Variants in PLCB4 observed in about 807,000 individuals in gnomAD.
PLCB4 encodes 1-phosphatidylinositol 4,5-bisphosphate phosphodiesterase beta-4.
PLCB4 carries 77 observed loss-of-function variants against 178.8 expected under a neutral mutation model. The observed-to-expected ratio is 0.43, with a 90% CI of 0.36 to 0.52. The LOEUF is 0.52. Among genes scored for constraint, PLCB4 ranks in the 20% least tolerant of loss-of-function variants. PLCB4 has a pLI of 0.00. For synonymous variants in PLCB4, 496 were observed against 490.8 expected (o/e 1.01, Z -0.14); for missense variants, 1,024 against 1,453.4 (o/e 0.70, Z 4.80).
intron 3 of PLCB4, among the ~76,000 whole-genome samples, chr20:9,218,180 G>A (rs911912635): frequency 2.6e-5 from 4 of 151,970 alleles, no homozygotes; most frequent in Non-Finnish European, 5.9e-5. Flanking sequence ...GCGCAATCTC[G>A]GCTCACTGCA....
intron 12 of PLCB4, 64 bp downstream of exon 12, chr20:9,373,168 C>G (rs1036405900): frequency 1.3e-6 from 1 of 756,844 alleles, no homozygotes; most frequent in African/African-American, 1.7e-5. Flanking sequence ...CTCTGGTGTC[C>G]TCATTGCATG....
chr20:9,395,932 T>C (rs1195119667), intron 19 of PLCB4, among the ~76,000 whole-genome samples: 1 of 152,210 alleles, frequency 6.6e-6, no homozygotes, highest in African/African-American at 2.4e-5. Flanking sequence ...TATGTAATCC[T>C]ACCACTGCAC....
At chr20:9,472,997 AT>A in intron 37 of PLCB4, 150 bp downstream of exon 37, 1 of 576,200 alleles carries the variant, frequency 1.7e-6, no homozygotes, top group East Asian at 3.0e-5. Flanking sequence ...AGCTAAAATA[AT>A]GTCTCACTAA....
At chr20:9,161,105 A>G (rs2092880706) in intron 2 of PLCB4, among the ~76,000 whole-genome samples, 1 of 152,162 alleles carries the variant, frequency 6.6e-6, no homozygotes, top group African/African-American at 2.4e-5. Flanking sequence ...GATATGTAAA[A>G]GTTTTTAGAT....
At chr20:9,073,084 G>A (rs1161725946) in intron 1 of PLCB4, among the ~76,000 whole-genome samples, 2 of 152,120 alleles carry the variant, frequency 1.3e-5, no homozygotes, top group African/African-American at 4.8e-5. Context: ...CTCTAGCTAC[G>A]GAAATACCCT....
intron 20 of PLCB4, among the ~76,000 whole-genome samples, chr20:9,403,981 T>C (rs560134667): frequency 6.6e-6 from 1 of 152,256 alleles, no homozygotes; most frequent in African/African-American, 2.4e-5. Flanking sequence ...CACACAGATA[T>C]GAATGACTAG....
At chr20:9,357,695 G>T (rs186422839) in intron 7 of PLCB4, among the ~76,000 whole-genome samples, 153 of 152,220 alleles carry the variant, frequency 1.0e-3, no homozygotes, top group Non-Finnish European at 1.1e-3. Flanking sequence ...ACTGCATGAG[G>T]ACATAGCTAG....
intron 7 of PLCB4, among the ~76,000 whole-genome samples, chr20:9,356,065 T>G (rs558237295): frequency 6.6e-5 from 10 of 152,364 alleles, no homozygotes; most frequent in African/African-American, 2.2e-4. Flanking sequence ...GAACATTTTT[T>G]CATGTGTCTT....
chr20:9,150,134 C>A (rs2092667586), intron 2 of PLCB4, among the ~76,000 whole-genome samples: 1 of 152,138 alleles, frequency 6.6e-6, no homozygotes, highest in Non-Finnish European at 1.5e-5. Flanking sequence ...ATCACAGTGT[C>A]CATGACCTAT....
chr20:9,152,930 A>T (rs913444008), intron 2 of PLCB4, among the ~76,000 whole-genome samples: 4 of 152,156 alleles, frequency 2.6e-5, no homozygotes, highest in East Asian at 1.9e-4. Context: ...TATCAATGTG[A>T]CCTGGGTGTG....
intron 3 of PLCB4, among the ~76,000 whole-genome samples, chr20:9,220,407 G>T (rs372767477): frequency 1.3e-5 from 2 of 152,268 alleles, no homozygotes; most frequent in East Asian, 3.9e-4. Flanking sequence ...CGAGGCATGC[G>T]GATCACCTGA....
intron 19 of PLCB4, among the ~76,000 whole-genome samples, chr20:9,396,459 T>C (rs2038592966): frequency 6.6e-6 from 1 of 152,244 alleles, no homozygotes; most frequent in Non-Finnish European, 1.5e-5. Context: ...GCAGTCTTGC[T>C]TAAAATATTT....
intron 2 of PLCB4, among the ~76,000 whole-genome samples, chr20:9,154,802 C>T (rs965344778): frequency 6.8e-6 from 1 of 146,470 alleles, no homozygotes; most frequent in South Asian, 2.3e-4. Context: ...CTTTCCTTTC[C>T]TTTCTTTTCC....
chr20:9,456,105 G>A (rs970337247), intron 33 of PLCB4, among the ~76,000 whole-genome samples: 2 of 152,206 alleles, frequency 1.3e-5, no homozygotes, highest in Non-Finnish European at 2.9e-5. Flanking sequence ...CGAAGTGCTG[G>A]AATTACAAGC....
At chr20:9,329,003 A>T (rs184603077) in intron 4 of PLCB4, among the ~76,000 whole-genome samples, 1 of 152,362 alleles carries the variant, frequency 6.6e-6, no homozygotes, top group East Asian at 1.9e-4. Context: ...TGGAGGAGGC[A>T]TGCCATTTGC....
intron 2 of PLCB4, among the ~76,000 whole-genome samples, chr20:9,190,001 T>A (rs1340002883): frequency 6.6e-6 from 1 of 152,208 alleles, no homozygotes; most frequent in Non-Finnish European, 1.5e-5. Context: ...TAACAGTGTC[T>A]CCAGACATTG....
chr20:9,471,470 G>A (rs992701938), intron 36 of PLCB4, among the ~76,000 whole-genome samples: 2 of 151,928 alleles, frequency 1.3e-5, no homozygotes, highest in South Asian at 4.2e-4. Flanking sequence ...AGAGAAAAAC[G>A]CTTTGAAAAA....
chr20:9,440,703 G>A (rs79443808), intron 30 of PLCB4, among the ~76,000 whole-genome samples: 1 of 152,156 alleles, frequency 6.6e-6, no homozygotes, highest in Admixed American at 6.5e-5. Context: ...AGTAGGTGTG[G>A]AAACAGGGAG....
At chr20:9,203,953 G>A (rs2093584480) in intron 2 of PLCB4, among the ~76,000 whole-genome samples, 1 of 151,766 alleles carries the variant, frequency 6.6e-6, no homozygotes, top group African/African-American at 2.4e-5. Flanking sequence ...CTAATTTTAT[G>A]TATTTCTTAA....
Sources: gnomAD v4.1 joint callset for allele counts (sites outside exome capture counted in the v4.1 genomes callset) on GRCh38, gnomAD v4.1.1 for gene constraint, MANE v1.5 for transcripts, NCBI Gene and HGNC (gene_info 2026-07-23, HGNC 2026-07-21) for gene names.